The following IDNK variants were observed in gnomAD, a reference collection of about 807,000 sequenced individuals.
The protein encoded by IDNK is gluconokinase.
A neutral mutation model predicts 13.0 loss-of-function variants in IDNK; 9 were observed. The ratio of observed to expected loss-of-function variants is 0.69; its 90% confidence interval spans 0.42 to 1.21. The LOEUF (loss-of-function observed/expected upper bound fraction) is 1.21, where lower values mean the gene tolerates loss of function less well. Among genes scored for constraint, IDNK ranks in the 50% most tolerant of loss-of-function variants. The probability of loss-of-function intolerance (pLI) is 0.00; values close to 1 mark genes in which losing one functional copy is unlikely to be tolerated. For missense variants in IDNK, 210 were observed against 237.8 expected (o/e 0.88, Z 0.77); for synonymous variants, 92 against 94.9 (o/e 0.97, Z 0.18).
intron 3 of IDNK, among the ~76,000 whole-genome samples, chr9:83,636,278 T>C (rs186293962): frequency 2.7e-4 from 41 of 152,300 alleles, no homozygotes; most frequent in Admixed American, 1.8e-3. Flanking sequence ...TCAGCACTTA[T>C]AAATGGATAA....
chr9:83,628,073 T>G, intron 1 of IDNK, 108 bp from the exon 2 acceptor site: 2 of 1,528,754 alleles, frequency 1.3e-6, no homozygotes, highest in South Asian at 2.4e-5. Flanking sequence ...GTGATTGGTG[T>G]TTAAATTCCT....
rs1831387189 is a variant in IDNK at position 83,643,898 on chromosome 9, A to G, written c.*118A>G. On this transcript the variant is annotated 3_prime_UTR_variant, in exon 5 of 5. Coordinates refer to ENST00000376419, the MANE Select transcript of IDNK (RefSeq NM_001001551.4). ...CTAAATGTTTCTAAAGGCAAACCCC[A>G]ATGTGTCAAGACAGACTTGTTTAGG... is the stretch of plus-strand genomic sequence containing the variant. The G allele has an allele frequency of 1.4e-6, 1 of 695,580 alleles. No individual in the cohort carries two copies. Among genetic ancestry groups the G allele is most frequent in the Non-Finnish European group, 2.4e-6 (1 of 422,834 alleles). The allele number at this position is 695,580 out of a possible 1,614,324, so 43.1% of individuals were successfully genotyped here. A position where few individuals can be genotyped will look rare whatever the true frequency, so the allele number is the denominator to read the frequency against.
chr9:83,626,770 T>C (rs1401812118), intron 1 of IDNK: 1 of 1,179,360 alleles, frequency 8.5e-7, no homozygotes, highest in Non-Finnish European at 1.1e-6. Flanking sequence ...TCACCAGCCA[T>C]GGAGTTTGGC....
At chr9:83,637,294 G>A (rs1831190711) in intron 3 of IDNK, among the ~76,000 whole-genome samples, 1 of 152,214 alleles carries the variant, frequency 6.6e-6, no homozygotes, top group South Asian at 2.1e-4. Context: ...TCCTACATTA[G>A]CACGCAGTGC....
intron 1 of IDNK, among the ~76,000 whole-genome samples, chr9:83,627,853 C>CAAA (rs149062579): frequency 1.5e-3 from 108 of 73,846 alleles, no homozygotes; most frequent in African/African-American, 3.9e-3. Context: ...ATCCCCACCA[C>CAAA]AAAAAAAAAA....
chr9:83,643,286 A>T, intron 4 of IDNK, 143 bp from the exon 5 acceptor site: 1 of 640,038 alleles, frequency 1.6e-6, no homozygotes, highest in Non-Finnish European at 2.7e-6. Flanking sequence ...CGATGCTAGG[A>T]CTGCCTGATG....
chr9:83,623,059 G>A (rs1164284173), upstream of IDNK: 2 of 742,306 alleles, frequency 2.7e-6, no homozygotes, highest in Admixed American at 4.4e-5. Flanking sequence ...GGGCGCAGAG[G>A]GGCACGGCCC....
chr9:83,637,512 GCTA>G (rs1474420826), intron 3 of IDNK, among the ~76,000 whole-genome samples: 1 of 152,204 alleles, frequency 6.6e-6, no homozygotes. Context: ...ATACCCAGGA[GCTA>G]AAGGTGGTTA....
intron 3 of IDNK, among the ~76,000 whole-genome samples, chr9:83,636,473 C>G (rs1032798922): frequency 3.9e-5 from 6 of 152,188 alleles, no homozygotes; most frequent in Non-Finnish European, 7.3e-5. Context: ...ATGGTAGTTT[C>G]AAGTTGCATA....
At chr9:83,628,829 G>A in intron 2 of IDNK, 44 bp from the exon 3 acceptor site, 1 of 1,320,256 alleles carries the variant, frequency 7.6e-7, no homozygotes, top group Non-Finnish European at 1.1e-6. Flanking sequence ...TATCACATTG[G>A]CCCATCTGCC....
At chr9:83,624,930 G>A (rs758444470) in intron 1 of IDNK, among the ~76,000 whole-genome samples, 18 of 152,124 alleles carry the variant, frequency 1.2e-4, no homozygotes, top group Non-Finnish European at 2.4e-4. Context: ...GGCGAGGCTG[G>A]TCTCAAACTC....
At chr9:83,641,446 T>C (rs1831304860) in intron 3 of IDNK, 102 bp from the exon 4 acceptor site, 1 of 1,343,930 alleles carries the variant, frequency 7.4e-7, no homozygotes, top group African/African-American at 1.5e-5. Flanking sequence ...GAGCTCTCGC[T>C]GGACCTTAAC....
At position 83,643,390 on chromosome 9, in the gene IDNK, T is replaced by C. The variant is rs574733561; in HGVS notation, c.213-39T>C. On this transcript the variant is annotated intron_variant, in intron 4 of 4. Transcript: ENST00000376419. Reference sequence around the variant, plus strand: ...CAGAGGTTACTTTAAATGTCCTCCTTCTTTAGCCTCCCTCTTTTTTTTTTC... The same window carrying C: ...CAGAGGTTACTTTAAATGTCCTCCTCCTTTAGCCTCCCTCTTTTTTTTTTC... 3.1e-5 allele frequency: 47 copies of C among 1,515,858 alleles called. No individual in the cohort carries two copies. In the African/African-American group the frequency reaches 5.6e-4, roughly 18 times the overall value. The allele number at this position is 1,515,858 out of a possible 1,614,324, so 93.9% of individuals were successfully genotyped here.
At chr9:83,631,628 A>G (rs1190995346) in intron 3 of IDNK, among the ~76,000 whole-genome samples, 2 of 151,872 alleles carry the variant, frequency 1.3e-5, no homozygotes, top group Non-Finnish European at 2.9e-5. Flanking sequence ...ATATATACAA[A>G]TTAATTAAAA....
intron 1 of IDNK, chr9:83,623,667 T>G (rs1203384832): frequency 5.7e-6 from 1 of 175,558 alleles, no homozygotes. Context: ...CACAGCGGCC[T>G]CCTCCTATGA....
intron 3 of IDNK, among the ~76,000 whole-genome samples, chr9:83,631,143 C>A (rs989645477): frequency 1.3e-5 from 2 of 151,998 alleles, no homozygotes; most frequent in Non-Finnish European, 2.9e-5. Flanking sequence ...CCGCACTGCC[C>A]CCATGCTACA....
At chr9:83,628,395 G>T (rs912045717) in intron 2 of IDNK, among the ~76,000 whole-genome samples, 184 bp downstream of exon 2, 2 of 152,164 alleles carry the variant, frequency 1.3e-5, no homozygotes, top group African/African-American at 4.8e-5. Flanking sequence ...GGTGGCTCAT[G>T]CCTGTAATCC....
In IDNK at chr9:83,642,240, C is replaced by T. The variant is rs144478238; in HGVS notation, c.212+649C>T. Among the ~76,000 whole-genome samples, 79 of 152,244 alleles carry T rather than the reference C, an allele frequency of 5.2e-4. 1 individual carries two copies. The highest frequency in any genetic ancestry group is 2.3e-3 in the East Asian group (12 of 5,184). On this transcript the variant is annotated intron_variant, in intron 4 of 4. Coordinates refer to ENST00000376419, the MANE Select transcript of IDNK (RefSeq NM_001001551.4). ...TAAGGAAAAGGCAGGGAGTGGGTTA[C>T]GGATCTTGCTTTCTAAGATGAAGTC...
chr9:83,623,343 A>G, intron 1 of IDNK, 122 bp downstream of exon 1: 1 of 963,722 alleles, frequency 1.0e-6, no homozygotes, highest in South Asian at 1.8e-5. Context: ...TTCCCTTTGC[A>G]GATGAAGAAA....
Sources: gnomAD v4.1 joint callset for allele counts (sites outside exome capture counted in the v4.1 genomes callset) on GRCh38, gnomAD v4.1.1 for gene constraint, MANE v1.5 for transcripts, NCBI Gene and HGNC (gene_info 2026-07-23, HGNC 2026-07-21) for gene names.